Variants in SRSF12 observed in about 807,000 individuals in gnomAD.
The protein encoded by SRSF12 is serine and arginine rich splicing factor 12, also known as serine/arginine-rich splicing factor 12.
A neutral mutation model predicts 34.1 loss-of-function variants in SRSF12; 21 were observed. The ratio of observed to expected loss-of-function variants is 0.62; its 90% CI spans 0.44 to 0.89. The LOEUF is 0.89. Ranked by LOEUF, SRSF12 falls within the 40% of genes least tolerant of loss-of-function variation. SRSF12 has a pLI of 0.00. For synonymous variants in SRSF12, 111 were observed against 110.8 expected (o/e 1.00, Z -0.01); for missense variants, 278 against 327.8 (o/e 0.85, Z 1.17).
chr6:89,117,246 C>A (rs908248280), intron 1 of SRSF12, among the ~76,000 whole-genome samples: 20 of 152,164 alleles, frequency 1.3e-4, no homozygotes, highest in African/African-American at 4.8e-4. Flanking sequence ...TGATCTCATT[C>A]ATTGAAGTTA....
At chr6:89,111,989 A>AC (rs767569042) in intron 1 of SRSF12, among the ~76,000 whole-genome samples, 26 of 152,332 alleles carry the variant, frequency 1.7e-4, no homozygotes, top group Non-Finnish European at 3.4e-4. Context: ...TCACCAGTGA[A>AC]AAGAAACATA....
chr6:89,110,612 T>C (rs1769000426), intron 1 of SRSF12, among the ~76,000 whole-genome samples: 1 of 151,816 alleles, frequency 6.6e-6, no homozygotes, highest in Non-Finnish European at 1.5e-5. Flanking sequence ...CTTTTGTTAC[T>C]TGGGTGTAGA....
intron 4 of SRSF12, among the ~76,000 whole-genome samples, chr6:89,101,101 C>A (rs1768519167): frequency 1.4e-5 from 2 of 143,852 alleles, no homozygotes. Context: ...AAGAGAAAAC[C>A]TCCAAGACAA....
chr6:89,110,933 T>C (rs551742149), intron 1 of SRSF12, among the ~76,000 whole-genome samples: 16 of 151,424 alleles, frequency 1.1e-4, no homozygotes, highest in Middle Eastern at 3.4e-3. Context: ...CTGAGCAACA[T>C]AGTGAGACCC....
chr6:89,099,439 T>TATAC (rs1562191966), intron 4 of SRSF12, among the ~76,000 whole-genome samples: 2 of 127,472 alleles, frequency 1.6e-5, no homozygotes, highest in Admixed American at 8.0e-5. Context: ...TGTATATATA[T>TATAC]ACACATATAT....
At chr6:89,100,680 G>C (rs1450518226) in intron 4 of SRSF12, among the ~76,000 whole-genome samples, 2 of 152,066 alleles carry the variant, frequency 1.3e-5, no homozygotes, top group East Asian at 3.8e-4. Flanking sequence ...AGACAAAACA[G>C]ATAAAAAGAT....
At chr6:89,117,707 G>T in intron 1 of SRSF12, 116 bp downstream of exon 1, 2 of 1,061,478 alleles carry the variant, frequency 1.9e-6, no homozygotes, top group Non-Finnish European at 2.5e-6. Context: ...GCCTGGGCCC[G>T]CGGGGAGGCT....
rs770599311 is a variant in SRSF12, at chr6:89,097,423, A to C, written c.*1155T>G. On this transcript the variant is annotated 3_prime_UTR_variant, in exon 5 of 5. Coordinates refer to ENST00000452027, the MANE Select transcript of SRSF12 (RefSeq NM_080743.5). ...AACTACAAAAGCAATAAATATCAAT[A>C]AAGTTATTTGGCTGTCAGAAATGAA... The C allele has an allele frequency of 6.6e-6, 1 of 152,218 alleles. No homozygotes were observed. Among genetic ancestry groups the C allele is most frequent in the Non-Finnish European group, 1.5e-5 (1 of 68,046 alleles). The allele number at this position is 152,218 out of a possible 1,614,324, so 9.4% of individuals were successfully genotyped here.
At position 89,107,229 on chromosome 6, in the gene SRSF12, C is replaced by T. The variant is rs1768835262; in HGVS notation, c.95G>A (p.Arg32Gln). 6.2e-7 allele frequency: 1 copy of T among 1,613,892 alleles called. No homozygotes were observed. The highest frequency in any genetic ancestry group is 8.5e-7 in the Non-Finnish European group (1 of 1,179,960). ...GTAAACGTCTACTATAGGGCCATAT[C>T]GACCAAACTCACGGCGCAAGTCCTC... Reference protein sequence around the residue: ...RPEDLRREFGRYGPIVDVYIP... With the variant: ...RPEDLRREFGQYGPIVDVYIP... The change falls in exon 2 of 5, where the codon CGA becomes CAA. Residue 32 changes from arginine (R) to glutamine (Q), a missense_variant. Arg to Gln is a conservative substitution (Grantham distance 43). Transcript: ENST00000452027.
At chr6:89,107,733 C>G (rs1333645774) in intron 1 of SRSF12, among the ~76,000 whole-genome samples, 2 of 151,844 alleles carry the variant, frequency 1.3e-5, no homozygotes, top group African/African-American at 4.8e-5. Flanking sequence ...GAGTGAGACC[C>G]TGTCTCAAAA....
At chr6:89,099,529 CACAT>C (rs1402775694) in intron 4 of SRSF12, among the ~76,000 whole-genome samples, 111 of 127,450 alleles carry the variant, frequency 8.7e-4, no homozygotes, top group Admixed American at 1.6e-3. Context: ...CACACACACA[CACAT>C]ACATGTTTTT....
chr6:89,117,471 G>A (rs556541077), intron 1 of SRSF12, among the ~76,000 whole-genome samples: 17 of 152,300 alleles, frequency 1.1e-4, no homozygotes, highest in Admixed American at 9.8e-4. Context: ...GCACTCGCTG[G>A]AGCGCAAACC....
chr6:89,104,821 G>C, intron 4 of SRSF12, among the ~76,000 whole-genome samples: 1 of 152,150 alleles, frequency 6.6e-6, no homozygotes, highest in Non-Finnish European at 1.5e-5. Context: ...GGGAGCCTGA[G>C]GTGGGAGGAA....
chr6:89,099,814 C>A (rs1397669491), intron 4 of SRSF12, among the ~76,000 whole-genome samples: 1 of 152,112 alleles, frequency 6.6e-6, no homozygotes, highest in African/African-American at 2.4e-5. Context: ...GGATTACAGG[C>A]GTGAGCTACC....
chr6:89,110,259 A>C (rs1768982252), intron 1 of SRSF12, among the ~76,000 whole-genome samples: 2 of 152,186 alleles, frequency 1.3e-5, no homozygotes, highest in African/African-American at 4.8e-5. Flanking sequence ...GCAATGAAAA[A>C]ATGAAGCAAT....
chr6:89,099,862 A>G (rs912738505), intron 4 of SRSF12, among the ~76,000 whole-genome samples: 2 of 152,106 alleles, frequency 1.3e-5, no homozygotes, highest in African/African-American at 4.8e-5. Flanking sequence ...AAAGCTACAC[A>G]ACATTTATAA....
intron 4 of SRSF12, among the ~76,000 whole-genome samples, chr6:89,101,115 A>C (rs1271499772): frequency 1.3e-5 from 2 of 150,772 alleles, no homozygotes; most frequent in Non-Finnish European, 3.0e-5. Context: ...AAGACAAAAA[A>C]AAAAAAAAAA....
At chr6:89,100,045 C>G (rs1768467113) in intron 4 of SRSF12, among the ~76,000 whole-genome samples, 1 of 152,058 alleles carries the variant, frequency 6.6e-6, no homozygotes, top group Non-Finnish European at 1.5e-5. Context: ...TAATTCAGGG[C>G]TACCAAAATG....
At position 89,107,077 on chromosome 6, in the gene SRSF12, C is replaced by T. The variant is rs775062041; in HGVS notation, c.170+77G>A. 7 of 1,270,304 alleles carry T rather than the reference C, an allele frequency of 5.5e-6. No homozygotes were observed. In the Admixed American group the frequency reaches 8.5e-5, roughly 15 times the overall value. The allele number at this position is 1,270,304 out of a possible 1,614,324, so 78.7% of individuals were successfully genotyped here. ...TAATTAGGCAATATTAATCTCATAA[C>T]ATATGCTACTGAATACATATATGTA... is the stretch of plus-strand genomic sequence containing the variant. On this transcript the variant is annotated intron_variant, in intron 2 of 4. Coordinates refer to ENST00000452027, the MANE Select transcript of SRSF12 (RefSeq NM_080743.5).
Sources: allele counts gnomAD v4.1 joint callset (sites outside exome capture counted in the v4.1 genomes callset), GRCh38; gene constraint gnomAD v4.1.1; transcripts MANE v1.5; gene names NCBI Gene and HGNC (gene_info 2026-07-23, HGNC 2026-07-21).